SAR1A: variants seen among roughly 807,000 people sequenced by gnomAD.
SAR1A encodes the protein secretion associated Ras related GTPase 1A.
Under a neutral mutation model 22.6 loss-of-function variants are expected in SAR1A, and 6 were observed. That is an observed-to-expected ratio of 0.27 (90% CI 0.15 to 0.52). The LOEUF (loss-of-function observed/expected upper bound fraction) is 0.52, where lower values mean the gene tolerates loss of function less well. Ranked by LOEUF, SAR1A falls within the 20% of genes least tolerant of loss-of-function variation. The probability of loss-of-function intolerance (pLI) is 0.96; values close to 1 mark genes in which losing one functional copy is unlikely to be tolerated. For missense variants in SAR1A, 145 were observed against 245.1 expected, an observed-to-expected ratio of 0.59 and a Z score of 2.73; for synonymous variants, 70 against 82.2, an observed-to-expected ratio of 0.85 and a Z score of 0.80.
At chr10:70,163,896 A>G (rs976323721) in intron 1 of SAR1A, 30 of 1,600,610 alleles carry the variant, frequency 1.9e-5, no homozygotes, top group Non-Finnish European at 2.6e-5. Context: ...ATTTCTGACA[A>G]TGATGGCAAG....
At chr10:70,168,956 G>A (rs1175889883) in intron 1 of SAR1A, among the ~76,000 whole-genome samples, 2 of 152,080 alleles carry the variant, frequency 1.3e-5, no homozygotes, top group Non-Finnish European at 2.9e-5. Context: ...CTCCTCAGCA[G>A]CTGAAAATGG....
chr10:70,149,568 T>TTTTTTTTTTTTTTTTTTTC lies in SAR1A; in HGVS notation c.*2907_*2908insGAAAAAAAAAAAAAAAAAA. On this transcript the variant is annotated 3_prime_UTR_variant, in exon 7 of 7. Coordinates refer to ENST00000373241, the MANE Select transcript of SAR1A (RefSeq NM_020150.5). ...ATTGATTTTTTTTTTTTTTTTTTTT[T>TTTTTTTTTTTTTTTTTTTC]TGAGCTAGAGAGAGTCTTGCTCTGT... The TTTTTTTTTTTTTTTTTTTC allele has an allele frequency of 7.0e-6, 1 of 143,394 alleles. No individual in the cohort carries two copies. Among genetic ancestry groups the TTTTTTTTTTTTTTTTTTTC allele is most frequent in the Non-Finnish European group, 1.5e-5 (1 of 66,374 alleles). The allele number at this position is 143,394 out of a possible 1,614,324, so 8.9% of individuals were successfully genotyped here.
In SAR1A at chr10:70,159,644, A is replaced by G. The variant is rs1173622003; in HGVS notation, c.244+1360T>C. Among the ~76,000 whole-genome samples, 4 of 152,372 alleles carry G rather than the reference A, an allele frequency of 2.6e-5. No homozygotes were observed. In the East Asian group the frequency reaches 5.8e-4, roughly 22 times the overall value. ...AGAGCAAGACCCCATCTCAAAAAAAAGAAAAAAACGGTATTAGCTCAACCT... is the reference window on the plus strand; with the variant it reads ...AGAGCAAGACCCCATCTCAAAAAAAGGAAAAAAACGGTATTAGCTCAACCT... On this transcript the variant is annotated intron_variant, in intron 4 of 6. Transcript: ENST00000373241.
At chr10:70,166,710 G>A (rs1285010688) in intron 1 of SAR1A, 4 of 151,396 alleles carry the variant, frequency 2.6e-5, no homozygotes, top group Admixed American at 2.0e-4. Flanking sequence ...TTCAGGCCGG[G>A]CCCCCGTGGC....
At chr10:70,164,629 T>G (rs921722113) in intron 1 of SAR1A, among the ~76,000 whole-genome samples, 2 of 152,238 alleles carry the variant, frequency 1.3e-5, no homozygotes, top group African/African-American at 4.8e-5. Context: ...CTTTTACTGT[T>G]ACTTGCTTTT....
In SAR1A at chr10:70,149,416, A is replaced by G. The variant is rs185249491; in HGVS notation, c.*3060T>C. On this transcript the variant is annotated 3_prime_UTR_variant, in exon 7 of 7. Coordinates refer to ENST00000373241, the MANE Select transcript of SAR1A (RefSeq NM_020150.5). ...TACTTGGTTGAAAAGAACCCATTGC[A>G]CTGTTTCCCACTGTTTGTCCCAGTA... 6.6e-6 allele frequency: 1 copy of G among 151,812 alleles called. No homozygotes were observed. Among genetic ancestry groups the G allele is most frequent in the African/African-American group, 2.4e-5 (1 of 41,306 alleles). 9.4% of individuals were successfully genotyped at this position (151,812 alleles called of 1,614,324 possible). A position where few individuals can be genotyped will look rare whatever the true frequency, so the allele number is the denominator to read the frequency against.
intron 1 of SAR1A, among the ~76,000 whole-genome samples, chr10:70,166,134 G>A (rs565579967): frequency 2.8e-4 from 43 of 152,324 alleles, no homozygotes; most frequent in Non-Finnish European, 5.4e-4. Context: ...ACAGTATAGT[G>A]TAAACGTAAC....
At chr10:70,157,968 T>C in intron 4 of SAR1A, 101 bp from the exon 5 acceptor site, 2 of 772,778 alleles carry the variant, frequency 2.6e-6, no homozygotes. Context: ...CGGGTTTCAG[T>C]AAGATTAGAC....
chr10:70,165,653 A>C (rs1589879044), intron 1 of SAR1A, among the ~76,000 whole-genome samples: 1 of 152,328 alleles, frequency 6.6e-6, no homozygotes, highest in East Asian at 1.9e-4. Context: ...GGTTTTTTTG[A>C]GATGGAATCT....
chr10:70,161,719 TCCAGA>T lies in SAR1A; in HGVS notation c.73_77del (p.Ser25LysfsTer9). 1 of 1,613,896 alleles carries T rather than the reference TCCAGA, an allele frequency of 6.2e-7. No homozygotes were observed. Among genetic ancestry groups the T allele is most frequent in the Non-Finnish European group, 8.5e-7 (1 of 1,180,030 alleles). On this transcript the variant is annotated frameshift_variant, in exon 3 of 7. Transcript: ENST00000373241. LOFTEE classifies it high-confidence loss of function. The stretch of plus-strand genomic sequence containing the variant: ...TATCCAAACCTAAGAATACAAGTTT[TCCAGA>T]TTTCTTGTACAGTCCTAAAAGAGAA...
intron 5 of SAR1A, chr10:70,155,009 C>T: frequency 2.1e-6 from 1 of 473,080 alleles, no homozygotes; most frequent in Non-Finnish European, 4.3e-6. Context: ...CAGGAAGCCA[C>T]ACAGTACTGC....
At chr10:70,166,300 A>C (rs1839549061) in intron 1 of SAR1A, among the ~76,000 whole-genome samples, 1 of 152,218 alleles carries the variant, frequency 6.6e-6, no homozygotes, top group Non-Finnish European at 1.5e-5. Flanking sequence ...GTTCATTCAC[A>C]TTCCCTAGAC....
chr10:70,157,401 CAA>C (rs55801259), intron 5 of SAR1A, among the ~76,000 whole-genome samples: 1,076 of 130,380 alleles, frequency 8.3e-3, no homozygotes, highest in Non-Finnish European at 0.011. Flanking sequence ...AAGACTCCGT[CAA>C]AAAAAAAAAA....
In SAR1A at chr10:70,161,922, T is replaced by A; in HGVS notation, c.-7A>T. 1 of 1,606,570 alleles carries A rather than the reference T, an allele frequency of 6.2e-7. No individual in the cohort carries two copies. The highest frequency in any genetic ancestry group is 2.2e-5 in the East Asian group (1 of 44,846). On this transcript the variant is annotated 5_prime_UTR_variant, in exon 2 of 7. Coordinates refer to ENST00000373241, the MANE Select transcript of SAR1A (RefSeq NM_020150.5). ...ACTCAAAGATGAAAGACATTATTAA[T>A]GCTTACTACCTGTATAAAATATGAA...
In SAR1A at chr10:70,168,835, C is replaced by G. The variant is rs537048567; in HGVS notation, c.-17+1578G>C. Among the ~76,000 whole-genome samples, 77 of 152,094 alleles carry G rather than the reference C, an allele frequency of 5.1e-4. No homozygotes were observed. The South Asian group carries it at 0.014, about 27-fold the overall frequency. On this transcript the variant is annotated intron_variant, in intron 1 of 6. Transcript: ENST00000373241. ...AAAGTTAAGAAAATGCCCCCGCCCC[C>G]CTTTTCTTAAGACAGACCAAGACTC...
intron 1 of SAR1A, chr10:70,164,189 G>A: frequency 1.6e-6 from 1 of 623,094 alleles, no homozygotes; most frequent in East Asian, 2.8e-5. Context: ...CCTTTTGTTT[G>A]TAACTTATCT....
Position 70,152,599 on chromosome 10 carries a change from G to A in SAR1A, c.481-7C>T, listed in dbSNP as rs41306530. On this transcript the variant is annotated splice_region_variant and splice_polypyrimidine_tract_variant and intron_variant, in intron 6 of 6. Coordinates refer to ENST00000373241, the MANE Select transcript of SAR1A (RefSeq NM_020150.5). The stretch of plus-strand genomic sequence containing the variant: ...CCTTCAGGGTCACATTCCCCTAAAG[G>A]AGGCAAAACCAAGAAAGGCCTGTTA... 2,332 of 1,593,942 alleles carry A rather than the reference G, an allele frequency of 1.5e-3. 1 individual carries two copies. Among genetic ancestry groups the A allele is most frequent in the Middle Eastern group, 2.3e-3 (14 of 6,028 alleles).
At chr10:70,158,523 A>G (rs892627619) in intron 4 of SAR1A, among the ~76,000 whole-genome samples, 3 of 152,184 alleles carry the variant, frequency 2.0e-5, no homozygotes, top group Non-Finnish European at 2.9e-5. Flanking sequence ...TGAAACGATA[A>G]AGGCTGGGAA....
At chr10:70,154,833 T>C (rs1238600724) in intron 5 of SAR1A, among the ~76,000 whole-genome samples, 1 of 152,156 alleles carries the variant, frequency 6.6e-6, no homozygotes, top group Non-Finnish European at 1.5e-5. Flanking sequence ...GAACTGAATA[T>C]TAACATTAAG....
Sources: allele counts gnomAD v4.1 joint callset (sites outside exome capture counted in the v4.1 genomes callset), GRCh38; gene constraint gnomAD v4.1.1; transcripts MANE v1.5; gene names NCBI Gene and HGNC (gene_info 2026-07-23, HGNC 2026-07-21).